FSTL4: variants seen among roughly 807,000 people sequenced by gnomAD.
The protein encoded by FSTL4 is follistatin like 4.
A neutral mutation model predicts 78.2 loss-of-function variants in FSTL4; 28 were observed. The ratio of observed to expected loss-of-function variants is 0.36; its 90% CI spans 0.27 to 0.49. The LOEUF (loss-of-function observed/expected upper bound fraction) is 0.49. FSTL4 is among the 20% of genes least tolerant of loss of function. The pLI, the probability that FSTL4 is intolerant of heterozygous loss-of-function variation, is 0.98. For synonymous variants in FSTL4, 422 were observed against 440.5 expected, an observed-to-expected ratio of 0.96 and a Z score of 0.53; for missense variants, 922 against 1,084.9, an observed-to-expected ratio of 0.85 and a Z score of 2.11.
chr5:133,738,472 G>A, the FSTL4 span, among the ~76,000 whole-genome samples: 1 of 152,116 alleles, frequency 6.6e-6, no homozygotes, highest in African/African-American at 2.4e-5. Flanking sequence ...CCTAAGGATG[G>A]ACCACATGAA....
chr5:133,782,546 T>C, the FSTL4 span, among the ~76,000 whole-genome samples: 500 of 152,316 alleles, frequency 3.3e-3, 5 homozygotes, highest in African/African-American at 0.011. Context: ...GCCAGGCCAA[T>C]GAGAGTGCTT....
intron 5 of FSTL4, among the ~76,000 whole-genome samples, chr5:133,315,346 C>A (rs775385913): frequency 6.6e-6 from 1 of 152,174 alleles, no homozygotes; most frequent in Non-Finnish European, 1.5e-5. Flanking sequence ...CAGTTTGACT[C>A]TAAAGTCTGC....
At chr5:133,641,269 C>CA in the FSTL4 span, among the ~76,000 whole-genome samples, 3,110 of 150,950 alleles carry the variant, frequency 0.021, 111 homozygotes, top group African/African-American at 0.071. Context: ...CACACAAAAA[C>CA]AAAAAAAAAC....
the FSTL4 span, among the ~76,000 whole-genome samples, chr5:133,791,942 C>T: frequency 6.6e-6 from 1 of 152,252 alleles, no homozygotes; most frequent in Non-Finnish European, 1.5e-5. Context: ...TGGTTCCAGG[C>T]ACACCTCAGC....
At position 133,456,688 on chromosome 5, in the gene FSTL4, A is replaced by AAAAACAAAACAAAAC. The variant is rs113400855; in HGVS notation, c.161-55717_161-55703dup. The stretch of plus-strand genomic sequence containing the variant: ...GCACATCATACAAAGTTGTACTTAA[A>AAAAACAAAACAAAAC]AAAACAAAACAAAACAAAACAAAAC... On this transcript the variant is annotated intron_variant, in intron 3 of 15. Transcript: ENST00000265342. Among the ~76,000 whole-genome samples, 65 of 151,964 alleles carry AAAAACAAAACAAAAC rather than the reference A, an allele frequency of 4.3e-4. No homozygotes were observed. The East Asian group carries it at 0.011, about 25-fold the overall frequency.
chr5:133,636,047 C>T, the FSTL4 span, among the ~76,000 whole-genome samples: 8 of 152,210 alleles, frequency 5.3e-5, no homozygotes, highest in Admixed American at 3.3e-4. Context: ...GGGCCCAGGT[C>T]GGCACCTGGC....
intron 3 of FSTL4, among the ~76,000 whole-genome samples, chr5:133,551,289 C>T (rs1004126985): frequency 2.0e-5 from 3 of 151,874 alleles, no homozygotes; most frequent in Non-Finnish European, 4.4e-5. Context: ...TATAAAATGA[C>T]TAATAAAGAA....
At chr5:133,208,007 TTTCA>T (rs1392247983) in intron 14 of FSTL4, 1 of 152,180 alleles carries the variant, frequency 6.6e-6, no homozygotes, top group Non-Finnish European at 1.5e-5. Flanking sequence ...TCAGAATTTC[TTTCA>T]TTGTCTCTCT....
At chr5:133,423,976 C>G (rs1327511073) in intron 3 of FSTL4, among the ~76,000 whole-genome samples, 1 of 152,202 alleles carries the variant, frequency 6.6e-6, no homozygotes, top group East Asian at 1.9e-4. Context: ...CCCGGCGGTT[C>G]ACCAGCTTAC....
intron 3 of FSTL4, among the ~76,000 whole-genome samples, chr5:133,406,150 G>A (rs915312601): frequency 6.6e-6 from 1 of 152,254 alleles, no homozygotes; most frequent in Non-Finnish European, 1.5e-5. Flanking sequence ...AAGCCTCTTT[G>A]AGGAGGTGAG....
chr5:133,358,187 C>T (rs973344222), intron 4 of FSTL4, among the ~76,000 whole-genome samples: 16 of 152,164 alleles, frequency 1.1e-4, no homozygotes, highest in African/African-American at 2.4e-4. Context: ...GGAGCCCTCT[C>T]GGATAATCCA....
chr5:133,837,133 T>TC, the FSTL4 span, among the ~76,000 whole-genome samples: 1 of 152,100 alleles, frequency 6.6e-6, no homozygotes, highest in South Asian at 2.1e-4. Flanking sequence ...TCATTTTTTT[T>TC]CTGTCTTTTA....
At chr5:133,467,018 ATGTG>A (rs1373475135) in intron 3 of FSTL4, among the ~76,000 whole-genome samples, 1 of 151,516 alleles carries the variant, frequency 6.6e-6, no homozygotes, top group Non-Finnish European at 1.5e-5. Flanking sequence ...GTGTGTGAGC[ATGTG>A]TGAGTGTATG....
the FSTL4 span, among the ~76,000 whole-genome samples, chr5:133,688,898 G>C: frequency 6.6e-6 from 1 of 152,202 alleles, no homozygotes; most frequent in Admixed American, 6.5e-5. Context: ...AAATTTCAGA[G>C]CCTGGAGAAA....
intron 13 of FSTL4, 44 bp from the exon 14 acceptor site, chr5:133,210,342 T>G (rs746839903): frequency 3.2e-5 from 37 of 1,159,652 alleles, no homozygotes; most frequent in Non-Finnish European, 4.3e-5. Context: ...GACATGATGG[T>G]CATTTCTGGG....
chr5:133,759,073 T>C, the FSTL4 span, among the ~76,000 whole-genome samples: 1 of 152,206 alleles, frequency 6.6e-6, no homozygotes, highest in African/African-American at 2.4e-5. Context: ...TTCAACGGGA[T>C]GGGAATAAGG....
At chr5:133,689,717 C>G in the FSTL4 span, among the ~76,000 whole-genome samples, 1 of 152,114 alleles carries the variant, frequency 6.6e-6, no homozygotes, top group Non-Finnish European at 1.5e-5. Flanking sequence ...AAAATTCAAC[C>G]CACAAACACA....
At chr5:133,233,953 ACTTT>A (rs1479555586) in intron 7 of FSTL4, among the ~76,000 whole-genome samples, 1 of 152,122 alleles carries the variant, frequency 6.6e-6, no homozygotes, top group African/African-American at 2.4e-5. Flanking sequence ...GGGTTAGCTG[ACTTT>A]CTTAAGGGGC....
chr5:133,251,832 C>T (rs1327101115), intron 6 of FSTL4, among the ~76,000 whole-genome samples: 2 of 152,206 alleles, frequency 1.3e-5, no homozygotes, highest in Non-Finnish European at 2.9e-5. Context: ...GGGAAGTGCT[C>T]CTGGCCTCAA....
Sources: allele counts gnomAD v4.1 joint callset (sites outside exome capture counted in the v4.1 genomes callset), GRCh38; gene constraint gnomAD v4.1.1; transcripts MANE v1.5; gene names NCBI Gene and HGNC (gene_info 2026-07-23, HGNC 2026-07-21).